The following MGAM variants were observed in gnomAD, a reference collection of about 807,000 sequenced individuals.
The protein encoded by MGAM is maltase-glucoamylase, also known as alpha-1,4-glucosidase.
MGAM carries 253 observed loss-of-function variants against 358.8 expected under a neutral mutation model. That is an observed-to-expected ratio of 0.71 (90% CI 0.64 to 0.78). The LOEUF is 0.78. Ranked by LOEUF, MGAM falls within the 30% of genes least tolerant of loss-of-function variation. MGAM has a pLI of 0.00. For synonymous variants in MGAM, 1,105 were observed against 1,227.1 expected, an observed-to-expected ratio of 0.90 and a Z score of 2.08; for missense variants, 3,080 against 3,432.6, an observed-to-expected ratio of 0.90 and a Z score of 2.57.
intron 1 of MGAM, among the ~76,000 whole-genome samples, chr7:141,998,230 A>G (rs1324687339): frequency 1.3e-5 from 2 of 152,304 alleles, no homozygotes; most frequent in East Asian, 3.9e-4. Context: ...TAATGTATAT[A>G]TAGTAATAAT....
intron 4 of MGAM, among the ~76,000 whole-genome samples, chr7:142,019,544 AT>A (rs1407365888): frequency 1.3e-5 from 2 of 152,208 alleles, no homozygotes; most frequent in African/African-American, 2.4e-5. Flanking sequence ...CAACTTCCCC[AT>A]TTATGGACCT....
At chr7:142,017,600 C>T (rs1554456709) in intron 3 of MGAM, among the ~76,000 whole-genome samples, 1 of 152,096 alleles carries the variant, frequency 6.6e-6, no homozygotes, top group Non-Finnish European at 1.5e-5. Context: ...GCTTAACACC[C>T]TTTTCAACAC....
chr7:142,004,716 T>C (rs1437625684), intron 1 of MGAM, among the ~76,000 whole-genome samples: 3 of 151,972 alleles, frequency 2.0e-5, no homozygotes, highest in African/African-American at 7.2e-5. Context: ...TTTTAAAAAG[T>C]GAAAAAAATG....
Position 142,030,390 on chromosome 7 carries a change from T to C in MGAM, c.1250T>C (p.Met417Thr), listed in dbSNP as rs1807367721. ...YDVQHADIDYMDERRDFTYDS... is the reference protein window; with the variant it reads ...YDVQHADIDYTDERRDFTYDS... ...GTTCAGCATGCTGATATTGATTATA[T>C]GGATGAGAGAAGGGACTTCACTTAT... Residue 417 changes from methionine (M) to threonine (T), a missense_variant, in exon 11 of 71, where the codon ATG (methionine) becomes ACG (threonine). By Grantham distance (81) the Met-to-Thr change is moderately conservative (BLOSUM62 -1). Transcript: ENST00000475668. 6.2e-7 allele frequency: 1 copy of C among 1,613,372 alleles called. No homozygotes were observed. Among genetic ancestry groups the C allele is most frequent in the Non-Finnish European group, 8.5e-7 (1 of 1,179,602 alleles).
chr7:142,097,380 T>G (rs1816020469), intron 65 of MGAM, among the ~76,000 whole-genome samples: 3 of 152,134 alleles, frequency 2.0e-5, no homozygotes, highest in African/African-American at 7.2e-5. Flanking sequence ...GGTACCAAAG[T>G]GCTTTATGAA....
intron 44 of MGAM, among the ~76,000 whole-genome samples, chr7:142,073,284 G>T (rs1203811005): frequency 1.4e-5 from 2 of 146,200 alleles, no homozygotes; most frequent in Non-Finnish European, 3.1e-5. Context: ...AATATTTAAA[G>T]AAAGCAGATG....
intron 1 of MGAM, chr7:142,004,470 TATA>T (rs1404854020): frequency 6.6e-6 from 1 of 152,024 alleles, no homozygotes; most frequent in Non-Finnish European, 1.5e-5. Context: ...TGTTCTCACT[TATA>T]CACGAGAGAT....
At chr7:142,022,800 A>G (rs1457802827) in intron 7 of MGAM, among the ~76,000 whole-genome samples, 1 of 152,202 alleles carries the variant, frequency 6.6e-6, no homozygotes, top group Non-Finnish European at 1.5e-5. Context: ...CTGTACTCTC[A>G]ACAACAGTTG....
In MGAM at chr7:142,083,419, GA is replaced by G; in HGVS notation, c.6381+7del. 1.3e-6 allele frequency: 2 copies of G among 1,528,002 alleles called. No homozygotes were observed. The highest frequency in any genetic ancestry group is 1.8e-6 in the Non-Finnish European group (2 of 1,111,714). 94.7% of individuals were successfully genotyped at this position (1,528,002 alleles called of 1,614,324 possible). On this transcript the variant is annotated splice_region_variant and intron_variant, in intron 53 of 70. Transcript: ENST00000475668. ...TCACCCAGCAGTACACTGAGGTAGGGAGAAATCCAATTGTTTATCAAGTACT... is the reference window on the plus strand; with the variant it reads ...TCACCCAGCAGTACACTGAGGTAGGGGAAATCCAATTGTTTATCAAGTACT...
At chr7:142,019,882 A>G (rs1443336954) in intron 4 of MGAM, among the ~76,000 whole-genome samples, 1 of 152,158 alleles carries the variant, frequency 6.6e-6, no homozygotes, top group African/African-American at 2.4e-5. Flanking sequence ...TAGCTTGGCC[A>G]ACATGGCGAA....
At chr7:142,056,759 T>G in intron 29 of MGAM, 71 bp from the exon 30 acceptor site, 1 of 1,445,842 alleles carries the variant, frequency 6.9e-7, no homozygotes, top group South Asian at 1.2e-5. Flanking sequence ...AGATGGAGAA[T>G]GTGTGGATTT....
In MGAM at chr7:142,086,259, C is replaced by T. The variant is rs1814743916; in HGVS notation, c.6678C>T (p.Ala2226=). ...GCAATGAGACACAGCCCTATCCTGC[C>T]TTCACTCGGGGCGTGGAGGATGACG... is the stretch of plus-strand genomic sequence containing the variant. ...ISGNETQPYP[A]FTRGVEDDVF... is the part of the protein sequence containing the mutation. Residue 2226 remains alanine, a synonymous_variant, in exon 56 of 71, where the codon GCC becomes GCT. Coordinates refer to ENST00000475668, the MANE Select transcript of MGAM (RefSeq NM_001365693.1). 1.3e-6 allele frequency: 2 copies of T among 1,544,630 alleles called. 1 individual carries two copies. Among genetic ancestry groups the T allele is most frequent in the Non-Finnish European group, 1.8e-6 (2 of 1,126,212 alleles).
rs782230962 is a variant in MGAM, at chr7:142,034,883, A to G, written c.1959+42A>G. The G allele has an allele frequency of 5.1e-6, 8 of 1,569,200 alleles. No homozygotes were observed. The South Asian group carries it at 8.1e-5, about 16-fold the overall frequency. On this transcript the variant is annotated intron_variant, in intron 16 of 70. Transcript: ENST00000475668. ...AGCTCTCTTATGAACCTGAATTCCC[A>G]GGCAACCTCATTCTAGAAAGTTTTC...
chr7:141,987,935 C>T (rs543741897), intron 2 of MGAM, among the ~76,000 whole-genome samples: 1 of 152,248 alleles, frequency 6.6e-6, no homozygotes, highest in South Asian at 2.1e-4. Flanking sequence ...TATACATGGG[C>T]ATTAAAAATA....
chr7:142,093,807 G>C (rs1182252117), intron 60 of MGAM, among the ~76,000 whole-genome samples: 1 of 146,234 alleles, frequency 6.8e-6, no homozygotes, highest in Non-Finnish European at 1.5e-5. Context: ...AGACTCACAT[G>C]GAGACATCAT....
intron 26 of MGAM, among the ~76,000 whole-genome samples, chr7:142,053,574 A>C (rs569994009): frequency 1.3e-5 from 2 of 152,288 alleles, no homozygotes; most frequent in Admixed American, 1.3e-4. Flanking sequence ...CCAGAATTTA[A>C]TTGCATTTAA....
At chr7:142,024,816 C>G (rs1806801681) in intron 7 of MGAM, among the ~76,000 whole-genome samples, 1 of 152,174 alleles carries the variant, frequency 6.6e-6, no homozygotes, top group Non-Finnish European at 1.5e-5. Flanking sequence ...AATATCACAG[C>G]CTTCACATTC....
At chr7:142,060,183 T>C (rs1167333867) in intron 33 of MGAM, 128 bp from the exon 34 acceptor site, 71 of 1,391,094 alleles carry the variant, frequency 5.1e-5, no homozygotes, top group Non-Finnish European at 6.4e-5. Context: ...TTTTCTTTTA[T>C]GTCAATCCTA....
At chr7:142,010,360 T>A (rs1270303150) in intron 3 of MGAM, among the ~76,000 whole-genome samples, 4 of 152,186 alleles carry the variant, frequency 2.6e-5, no homozygotes, top group African/African-American at 9.6e-5. Context: ...CCTCACCAAA[T>A]CTGCTTTTCC....
Sources: gnomAD v4.1 joint callset for allele counts (sites outside exome capture counted in the v4.1 genomes callset) on GRCh38, gnomAD v4.1.1 for gene constraint, MANE v1.5 for transcripts, NCBI Gene and HGNC (gene_info 2026-07-23, HGNC 2026-07-21) for gene names.